The following MKX variants were observed in gnomAD, a reference collection of about 807,000 sequenced individuals.
MKX encodes the protein homeobox protein Mohawk.
A neutral mutation model predicts 36.0 loss-of-function variants in MKX; 13 were observed. That is an observed-to-expected ratio of 0.36 (90% confidence interval 0.24 to 0.57). The LOEUF (loss-of-function observed/expected upper bound fraction) is 0.57, where lower values mean the gene tolerates loss of function less well. Among genes scored for constraint, MKX ranks in the 20% least tolerant of loss-of-function variants. The pLI is 0.79. For synonymous variants in MKX, 176 were observed against 178.3 expected, an observed-to-expected ratio of 0.99 and a Z score of 0.10; for missense variants, 458 against 456.4, an observed-to-expected ratio of 1.00 and a Z score of -0.03.
chr10:27,675,589 GT>G, intron 5 of MKX, 35 bp from the exon 6 acceptor site: 1 of 1,599,578 alleles, frequency 6.3e-7, no homozygotes, highest in Non-Finnish European at 8.5e-7. Context: ...TTATTTTTAT[GT>G]TTTTCCTTTC....
intron 5 of MKX, among the ~76,000 whole-genome samples, chr10:27,695,453 A>G (rs1836537759): frequency 6.6e-6 from 1 of 151,998 alleles, no homozygotes; most frequent in African/African-American, 2.4e-5. Flanking sequence ...AAAAAATCTC[A>G]TATTTTCCAT....
intron 5 of MKX, among the ~76,000 whole-genome samples, chr10:27,686,904 T>G (rs1041380368): frequency 1.3e-5 from 2 of 152,192 alleles, no homozygotes; most frequent in Non-Finnish European, 2.9e-5. Flanking sequence ...GATACCCAGA[T>G]GTCCTGGATC....
chr10:27,699,112 G>C (rs1836607473), intron 5 of MKX, among the ~76,000 whole-genome samples: 1 of 152,208 alleles, frequency 6.6e-6, no homozygotes, highest in South Asian at 2.1e-4. Context: ...GAAAGTAATA[G>C]TTTCCTTAAG....
intron 5 of MKX, among the ~76,000 whole-genome samples, chr10:27,688,863 T>C (rs1332839945): frequency 1.3e-5 from 2 of 152,196 alleles, no homozygotes; most frequent in Non-Finnish European, 2.9e-5. Context: ...TTTAGAAGGG[T>C]TGACTTGTTT....
At chr10:27,734,836 C>A in intron 4 of MKX, 45 bp from the exon 5 acceptor site, 2 of 1,214,952 alleles carry the variant, frequency 1.6e-6, no homozygotes, top group Non-Finnish European at 2.3e-6. Context: ...TGCATACTTT[C>A]CCCCAGCCAC....
Position 27,741,346 on chromosome 10 carries a change from T to C in MKX, c.347A>G (p.Gln116Arg), listed in dbSNP as rs1448055851. The stretch of plus-strand genomic sequence containing the variant: ...AGGGTGTTAATGGGTCCTGATTACC[T>C]GCACTAGCGTCATCTGCGAGCCGAG... ...LALGSQMTLV[Q>R]VSNWFANARR... The change falls in exon 3 of 7, where the codon CAG becomes CGG. Residue 116 changes from glutamine to arginine, a missense_variant and splice_region_variant. By Grantham distance (43) the Gln-to-Arg change is conservative. Around this residue, in one of 3 missense-constraint regions of MKX, gnomAD observed 297 missense variants for 304.4 expected, o/e 0.98. Coordinates refer to ENST00000419761, the MANE Select transcript of MKX (RefSeq NM_173576.3). The surrounding 1 kb of genome is among the most constrained non-coding windows in gnomAD (Gnocchi z 5.1). 1 of 1,612,374 alleles carries C rather than the reference T, an allele frequency of 6.2e-7. No individual in the cohort carries two copies. Among genetic ancestry groups the C allele is most frequent in the Admixed American group, 1.7e-5 (1 of 59,740 alleles).
chr10:27,722,049 A>T (rs1767558846), intron 5 of MKX, among the ~76,000 whole-genome samples: 1 of 152,232 alleles, frequency 6.6e-6, no homozygotes, highest in South Asian at 2.1e-4. Context: ...ACATGTACTT[A>T]AAATAATAAA....
intron 1 of MKX, among the ~76,000 whole-genome samples, chr10:27,745,108 C>A (rs983298499): frequency 4.0e-5 from 6 of 151,708 alleles, no homozygotes; most frequent in African/African-American, 1.4e-4. Context: ...TACAAGACAC[C>A]CTTCCCCGGC....
In MKX at chr10:27,741,361, T is replaced by C. The variant is rs1589700242; in HGVS notation, c.332A>G (p.Gln111Arg). ...CCTGATTACCTGCACTAGCGTCATC[T>C]GCGAGCCGAGGGCCAAGAGTATCTT... ...TEKILLALGS[Q>R]MTLVQVSNWF... is the part of the protein sequence containing the mutation. Residue 111 changes from glutamine to arginine, a missense_variant, in exon 3 of 7, where the codon CAG (glutamine) becomes CGG (arginine). Gln to Arg is a conservative substitution (Grantham distance 43). This residue lies in a region of MKX where 297 missense variants were observed against 304.4 expected (regional missense o/e 0.98). Transcript: ENST00000419761. The surrounding 1 kb of genome is among the most constrained non-coding windows in gnomAD (Gnocchi z 5.1). 6.2e-7 allele frequency: 1 copy of C among 1,612,992 alleles called. No homozygotes were observed. The highest frequency in any genetic ancestry group is 8.5e-7 in the Non-Finnish European group (1 of 1,179,600).
At chr10:27,676,910 G>C (rs1229612844) in intron 5 of MKX, among the ~76,000 whole-genome samples, 1 of 152,118 alleles carries the variant, frequency 6.6e-6, no homozygotes, top group Non-Finnish European at 1.5e-5. Context: ...TAGATTTGCT[G>C]CTTCACTCAG....
intron 5 of MKX, among the ~76,000 whole-genome samples, chr10:27,688,410 C>T (rs144407801): frequency 4.8e-4 from 73 of 152,324 alleles, no homozygotes; most frequent in African/African-American, 1.6e-3. Flanking sequence ...ACAAAAATGG[C>T]TTTTCTGATG....
chr10:27,736,670 A>G (rs1834785826), intron 3 of MKX, among the ~76,000 whole-genome samples: 1 of 152,022 alleles, frequency 6.6e-6, no homozygotes, highest in Admixed American at 6.6e-5. Flanking sequence ...TACTATAAAT[A>G]CACATTTTTT....
At position 27,734,667 on chromosome 10, in the gene MKX, A is replaced by G; in HGVS notation, c.627T>C (p.Ser209=). The G allele has an allele frequency of 1.2e-6, 2 of 1,614,130 alleles. No homozygotes were observed. Among genetic ancestry groups the G allele is most frequent in the Non-Finnish European group, 1.7e-6 (2 of 1,180,026 alleles). The part of the protein sequence containing the change: ...KAGVRPESRA[S]EDYVAPPKYK... ...ATTTGGGGGGTGCCACGTAGTCCTC[A>G]CTGGCCCGTGACTCTGGCCTCACTC... The change falls in exon 5 of 7, where the codon AGT becomes AGC. Residue 209 remains serine (S), a synonymous_variant. Coordinates refer to ENST00000419761, the MANE Select transcript of MKX (RefSeq NM_173576.3).
intron 5 of MKX, among the ~76,000 whole-genome samples, chr10:27,717,849 A>T (rs1451392199): frequency 6.6e-6 from 1 of 152,256 alleles, no homozygotes; most frequent in African/African-American, 2.4e-5. Flanking sequence ...GGAAAGACCC[A>T]TGCAGCATAA....
At chr10:27,717,606 A>G (rs1164211372) in intron 5 of MKX, among the ~76,000 whole-genome samples, 3 of 152,236 alleles carry the variant, frequency 2.0e-5, no homozygotes, top group Non-Finnish European at 4.4e-5. Flanking sequence ...AGCATCTCCA[A>G]CAGGATATAC....
At chr10:27,680,371 A>AG (rs1208087436) in intron 5 of MKX, among the ~76,000 whole-genome samples, 4 of 17,174 alleles carry the variant, frequency 2.3e-4, no homozygotes, top group Admixed American at 9.5e-4. Context: ...AAGAAAAGAA[A>AG]AAAAAAAAAA....
Position 27,675,574 on chromosome 10 carries a change from T to C in MKX, c.839-20A>G, listed in dbSNP as rs1229131817. ...GAGTGTCTGTAAAGAAAAGCAAAAA[T>C]TCAATTATTTTTATGTTTTTCCTTT... is the stretch of plus-strand genomic sequence containing the variant. On this transcript the variant is annotated intron_variant, in intron 5 of 6. Coordinates refer to ENST00000419761, the MANE Select transcript of MKX (RefSeq NM_173576.3). 2.5e-6 allele frequency: 4 copies of C among 1,610,016 alleles called. No individual in the cohort carries two copies. Among genetic ancestry groups the C allele is most frequent in the Non-Finnish European group, 3.4e-6 (4 of 1,177,708 alleles).
intron 5 of MKX, among the ~76,000 whole-genome samples, chr10:27,687,932 C>T (rs747502740): frequency 4.6e-5 from 7 of 152,168 alleles, no homozygotes; most frequent in Non-Finnish European, 1.0e-4. Context: ...GACTTAGAGG[C>T]CGTGTAGTGT....
chr10:27,676,189 G>C (rs1261897788), intron 5 of MKX, among the ~76,000 whole-genome samples: 1 of 151,856 alleles, frequency 6.6e-6, no homozygotes, highest in Non-Finnish European at 1.5e-5. Flanking sequence ...TGGGAGGATT[G>C]CTTGAGCCCA....
Sources: gnomAD v4.1 joint callset for allele counts (sites outside exome capture counted in the v4.1 genomes callset) on GRCh38, gnomAD v4.1.1 for gene constraint, gnomAD v4.1.1 regional missense constraint, Gnocchi (gnomAD v3.1) non-coding constraint, MANE v1.5 for transcripts, NCBI Gene and HGNC (gene_info 2026-07-23, HGNC 2026-07-21) for gene names.